The following RARRES1 variants were observed in gnomAD, a reference collection of about 807,000 sequenced individuals.
The protein encoded by RARRES1 is retinoic acid receptor responder protein 1.
A neutral mutation model predicts 30.6 loss-of-function variants in RARRES1; 34 were observed. The ratio of observed to expected loss-of-function variants is 1.11; its 90% CI spans 0.84 to 1.48. RARRES1 has a LOEUF of 1.48. Ranked by LOEUF, RARRES1 falls within the 40% of genes most tolerant of loss-of-function variation. The pLI, the probability that RARRES1 is intolerant of heterozygous loss-of-function variation, is 0.00. For missense variants in RARRES1, 373 were observed against 386.5 expected (o/e 0.97, Z 0.29); for synonymous variants, 153 against 155.5 (o/e 0.98, Z 0.12).
chr3:158,714,694 A>C (rs1461494806), intron 1 of RARRES1, among the ~76,000 whole-genome samples: 1 of 152,234 alleles, frequency 6.6e-6, no homozygotes, highest in Non-Finnish European at 1.5e-5. Context: ...GTTTAGAAGA[A>C]GTTCTTATTG....
intron 3 of RARRES1, among the ~76,000 whole-genome samples, chr3:158,709,675 A>G (rs1727046246): frequency 6.6e-6 from 1 of 152,228 alleles, no homozygotes. Context: ...GGTTTGCCAC[A>G]GAATCTGGGC....
intron 1 of RARRES1, among the ~76,000 whole-genome samples, chr3:158,720,990 C>T (rs1727496371): frequency 6.6e-6 from 1 of 152,180 alleles, no homozygotes. Flanking sequence ...CAACCCGTAA[C>T]AGATGGAAGT....
At chr3:158,719,533 A>G (rs1456485557) in intron 1 of RARRES1, among the ~76,000 whole-genome samples, 2 of 152,098 alleles carry the variant, frequency 1.3e-5, no homozygotes, top group Non-Finnish European at 2.9e-5. Context: ...TGGCCTCCCA[A>G]AGTGTTGGGA....
intron 1 of RARRES1, among the ~76,000 whole-genome samples, chr3:158,716,172 A>G (rs1368591166): frequency 1.3e-5 from 2 of 152,182 alleles, no homozygotes; most frequent in Non-Finnish European, 2.9e-5. Context: ...GAGATGAGGA[A>G]GAAGCTGAGT....
chr3:158,705,056 A>G, intron 3 of RARRES1, 129 bp from the exon 4 acceptor site: 1 of 1,227,090 alleles, frequency 8.1e-7, no homozygotes, highest in Non-Finnish European at 1.1e-6. Context: ...ACCTTGAGCC[A>G]TATATGTGAT....
intron 4 of RARRES1, among the ~76,000 whole-genome samples, chr3:158,703,638 C>T (rs1240306319): frequency 6.6e-6 from 1 of 152,174 alleles, no homozygotes; most frequent in Non-Finnish European, 1.5e-5. Flanking sequence ...TCATTGACTT[C>T]CAGTTGCTCA....
Position 158,704,871 on chromosome 3 carries a change from CA to C in RARRES1, c.591del (p.Gly198GlufsTer5), listed in dbSNP as rs915380495. The part of the protein sequence containing the change: ...SLRLIWDLAF[L>X]GSSYVMWEMT... Reference sequence around the variant, plus strand: ...ATTTCCCACATCACGTAAGAGCTTCCAAGGAAAGCCAAATCCCAGATGAGTC... The same window carrying C: ...ATTTCCCACATCACGTAAGAGCTTCCAGGAAAGCCAAATCCCAGATGAGTC... On this transcript the variant is annotated frameshift_variant, in exon 4 of 6. Coordinates refer to ENST00000237696, the MANE Select transcript of RARRES1 (RefSeq NM_206963.2). LOFTEE classifies it high-confidence loss of function. 3 of 1,613,906 alleles carry C rather than the reference CA, an allele frequency of 1.9e-6. No individual in the cohort carries two copies. Among genetic ancestry groups the C allele is most frequent in the Non-Finnish European group, 1.7e-6 (2 of 1,179,994 alleles).
chr3:158,726,579 C>T (rs1423733329), intron 1 of RARRES1, among the ~76,000 whole-genome samples: 17 of 152,164 alleles, frequency 1.1e-4, no homozygotes, highest in Admixed American at 1.1e-3. Context: ...TGGTGAAGAG[C>T]GGGTACAAAC....
chr3:158,710,609 G>T, intron 3 of RARRES1, 129 bp downstream of exon 3: 1 of 852,154 alleles, frequency 1.2e-6, no homozygotes, highest in Non-Finnish European at 1.8e-6. Flanking sequence ...TTTAAATTAT[G>T]AGGGATACCA....
chr3:158,724,686 C>A (rs1727625426), intron 1 of RARRES1, among the ~76,000 whole-genome samples: 1 of 152,186 alleles, frequency 6.6e-6, no homozygotes, highest in African/African-American at 2.4e-5. Context: ...AATCTGAGGT[C>A]ATTTGTTATA....
At chr3:158,701,214 T>G (rs1354911937) in intron 4 of RARRES1, among the ~76,000 whole-genome samples, 2 of 152,144 alleles carry the variant, frequency 1.3e-5, no homozygotes, top group Non-Finnish European at 2.9e-5. Flanking sequence ...AGGTACGGGC[T>G]TATCCATTTT....
intron 4 of RARRES1, among the ~76,000 whole-genome samples, chr3:158,702,557 TTC>T (rs1308412882): frequency 3.9e-5 from 6 of 152,236 alleles, no homozygotes; most frequent in Admixed American, 1.3e-4. Flanking sequence ...TCCTAGTTTT[TTC>T]TGTTATCTCA....
At chr3:158,732,098 G>C in intron 1 of RARRES1, 42 bp downstream of exon 1, 1 of 1,303,172 alleles carries the variant, frequency 7.7e-7, no homozygotes, top group Non-Finnish European at 9.7e-7. Context: ...CGCCGTGCGC[G>C]GACAGGCAGG....
At position 158,713,215 on chromosome 3, in the gene RARRES1, A is replaced by G. The variant is rs1727203410; in HGVS notation, c.339+582T>C. ...CCGCCTTTCAGCTTGGCCTAGCACA[A>G]GGAAGTTCATCTGGCTCTAATTTCT... On this transcript the variant is annotated intron_variant, in intron 2 of 5. Coordinates refer to ENST00000237696, the MANE Select transcript of RARRES1 (RefSeq NM_206963.2). Among the ~76,000 whole-genome samples the G allele has an allele frequency of 2.0e-5, 3 of 152,224 alleles. 1 individual carries two copies. The highest frequency in any genetic ancestry group is 6.8e-3 in the Middle Eastern group (2 of 294).
chr3:158,698,780 A>G (rs886473472), intron 4 of RARRES1, among the ~76,000 whole-genome samples: 3 of 151,968 alleles, frequency 2.0e-5, no homozygotes, highest in Admixed American at 6.6e-5. Context: ...GTCTTTTCCT[A>G]CTATAACTGA....
chr3:158,724,159 A>AG (rs1727601659), intron 1 of RARRES1, among the ~76,000 whole-genome samples: 2 of 152,226 alleles, frequency 1.3e-5, no homozygotes, highest in South Asian at 4.1e-4. Flanking sequence ...TCAGCAAGAC[A>AG]GGAGGTGGGA....
At chr3:158,704,521 G>T in intron 4 of RARRES1, 1 of 360,004 alleles carries the variant, frequency 2.8e-6, no homozygotes, top group Non-Finnish European at 4.7e-6. Flanking sequence ...ACCATCATAT[G>T]ATACATATTT....
At chr3:158,715,107 C>T (rs75333758) in intron 1 of RARRES1, among the ~76,000 whole-genome samples, 2,651 of 152,280 alleles carry the variant, frequency 0.017, 71 homozygotes, top group African/African-American at 0.06. Context: ...AGTCTTCAAA[C>T]GAGTTCTGTT....
intron 1 of RARRES1, among the ~76,000 whole-genome samples, chr3:158,718,225 G>A (rs576585475): frequency 2.5e-4 from 38 of 152,142 alleles, no homozygotes; most frequent in African/African-American, 8.7e-4. Flanking sequence ...TGATCCACCC[G>A]CCTCGGCCTC....
Sources: gnomAD v4.1 joint callset for allele counts (sites outside exome capture counted in the v4.1 genomes callset) on GRCh38, gnomAD v4.1.1 for gene constraint, MANE v1.5 for transcripts, NCBI Gene and HGNC (gene_info 2026-07-23, HGNC 2026-07-21) for gene names.